Variants in LANCL2 observed in about 807,000 individuals in gnomAD.
LANCL2 encodes lanC-like protein 2.
A neutral mutation model predicts 56.9 loss-of-function variants in LANCL2; 33 were observed. That is an observed-to-expected ratio of 0.58 (90% confidence interval 0.44 to 0.78). The LOEUF (loss-of-function observed/expected upper bound fraction) is 0.78, where lower values mean the gene tolerates loss of function less well. LANCL2 is among the 30% of genes least tolerant of loss of function. LANCL2 has a pLI of 0.00. For missense variants in LANCL2, 562 were observed against 580.2 expected (o/e 0.97, Z 0.32); for synonymous variants, 233 against 228.2 (o/e 1.02, Z -0.19).
At chr7:55,402,677 G>T (rs1389105325) in intron 5 of LANCL2, among the ~76,000 whole-genome samples, 1 of 125,342 alleles carries the variant, frequency 8.0e-6, no homozygotes, top group African/African-American at 3.1e-5. Context: ...CTTCCGGACG[G>T]GGCGGCTGGC....
rs200460807 is a variant in LANCL2 at position 55,392,031 on chromosome 7, G to A, written c.322+121G>A. On this transcript the variant is annotated intron_variant, in intron 2 of 8. Transcript: ENST00000254770. Reference sequence around the variant, plus strand: ...GATTTGGCCAGGCACGGTGGCTGACGCCTGTAATCCCAGCACATTTGGAGG... The same window carrying A: ...GATTTGGCCAGGCACGGTGGCTGACACCTGTAATCCCAGCACATTTGGAGG... 4.6e-4 allele frequency: 261 copies of A among 567,664 alleles called. 5 individuals are homozygous for A. In the South Asian group the frequency reaches 4.9e-3, roughly 11 times the overall value. The allele number at this position is 567,664 out of a possible 1,614,324, so 35.2% of individuals were successfully genotyped here.
intron 5 of LANCL2, among the ~76,000 whole-genome samples, chr7:55,403,397 A>C (rs1790365256): frequency 6.6e-6 from 1 of 151,892 alleles, no homozygotes. Context: ...GCAGCAGTAC[A>C]GTCCAGCTTT....
chr7:55,378,332 T>G (rs987398207), intron 1 of LANCL2, among the ~76,000 whole-genome samples: 4 of 151,990 alleles, frequency 2.6e-5, no homozygotes, highest in Non-Finnish European at 5.9e-5. Flanking sequence ...TGGTGGCGCA[T>G]GCCTATAATC....
chr7:55,404,085 G>T (rs11523713), intron 5 of LANCL2, among the ~76,000 whole-genome samples: 53,245 of 151,974 alleles, frequency 0.35, 9,817 homozygotes, highest in African/African-American at 0.43. Context: ...CCCTGACAAC[G>T]ATAGAGTACT....
Position 55,401,284 on chromosome 7 carries a change from C to G in LANCL2, c.789C>G (p.Ala263=). ...ACCGGAAGCAGTACGTTGGAGCAGCCCATGGCATGGCTGGAATTTACTATA... is the reference window on the plus strand; with the variant it reads ...ACCGGAAGCAGTACGTTGGAGCAGCGCATGGCATGGCTGGAATTTACTATA... ...QWHRKQYVGA[A]HGMAGIYYML... is the part of the protein sequence containing the mutation. The change falls in exon 5 of 9, where the codon GCC becomes GCG. Residue 263 remains alanine (A), a synonymous_variant. Transcript: ENST00000254770. 3 of 1,614,044 alleles carry G rather than the reference C, an allele frequency of 1.9e-6. No individual in the cohort carries two copies. The highest frequency in any genetic ancestry group is 2.5e-6 in the Non-Finnish European group (3 of 1,179,970).
chr7:55,402,456 C>A (rs1160197055), intron 5 of LANCL2, among the ~76,000 whole-genome samples: 4 of 132,158 alleles, frequency 3.0e-5, no homozygotes, highest in African/African-American at 1.1e-4. Flanking sequence ...CCGGACGGGG[C>A]GGCTGGCCGG....
intron 6 of LANCL2, among the ~76,000 whole-genome samples, chr7:55,416,689 T>C (rs972894122): frequency 2.4e-4 from 36 of 152,190 alleles, no homozygotes; most frequent in Admixed American, 1.8e-3. Context: ...CTCTGTCAGA[T>C]ATATATCGTA....
intron 1 of LANCL2, among the ~76,000 whole-genome samples, chr7:55,378,485 C>T (rs543865078): frequency 2.7e-5 from 4 of 150,854 alleles, no homozygotes; most frequent in East Asian, 1.9e-4. Context: ...AGTGTGTGTG[C>T]GTATATATAT....
chr7:55,373,697 T>A (rs56208982), intron 1 of LANCL2, among the ~76,000 whole-genome samples: 23,261 of 152,158 alleles, frequency 0.15, 1,941 homozygotes, highest in Middle Eastern at 0.24. Context: ...ATTAAAAAAA[T>A]TTTTTTATGA....
At chr7:55,369,146 G>A (rs1032395430) in intron 1 of LANCL2, among the ~76,000 whole-genome samples, 2 of 152,184 alleles carry the variant, frequency 1.3e-5, no homozygotes, top group Admixed American at 6.5e-5. Context: ...CTGTTGATAC[G>A]TTGATTTTGG....
intron 1 of LANCL2, among the ~76,000 whole-genome samples, chr7:55,380,477 A>T (rs12216647): frequency 0.35 from 53,272 of 151,692 alleles, 9,841 homozygotes; most frequent in African/African-American, 0.42. Flanking sequence ...ATGGGCTAAG[A>T]CCCTGGTGGA....
intron 3 of LANCL2, among the ~76,000 whole-genome samples, chr7:55,398,971 A>G (rs1216551295): frequency 2.0e-5 from 3 of 152,226 alleles, no homozygotes; most frequent in African/African-American, 7.2e-5. Flanking sequence ...CTGATTAGAT[A>G]TGCTAATGAT....
Position 55,365,947 on chromosome 7 carries a change from CGGA to C in LANCL2, c.-73_-71del, listed in dbSNP as rs1789855918. On this transcript the variant is annotated 5_prime_UTR_variant, in exon 1 of 9. Transcript: ENST00000254770. ...AGAGGACGCTCTCTGCGCGGGCCCT[CGGA>C]GGAGGCGGCGGCGGGGCGAGCTGCA... The C allele has an allele frequency of 1.7e-6, 2 of 1,191,052 alleles. No individual in the cohort carries two copies. Among genetic ancestry groups the C allele is most frequent in the Non-Finnish European group, 2.2e-6 (2 of 893,168 alleles). 73.8% of individuals were successfully genotyped at this position (1,191,052 alleles called of 1,614,324 possible). A position where few individuals can be genotyped will look rare whatever the true frequency, so the allele number is the denominator to read the frequency against.
chr7:55,412,119 C>G (rs756819939), intron 6 of LANCL2, 30 bp downstream of exon 6: 2 of 1,580,952 alleles, frequency 1.3e-6, no homozygotes, highest in Non-Finnish European at 8.6e-7. Context: ...CGGCCGTCCC[C>G]TGTGTGGGGA....
intron 5 of LANCL2, among the ~76,000 whole-genome samples, chr7:55,402,139 C>CT (rs1790337924): frequency 6.7e-6 from 1 of 149,048 alleles, no homozygotes. Flanking sequence ...CGCCCCTCAC[C>CT]TCCCGGACGG....
intron 6 of LANCL2, among the ~76,000 whole-genome samples, chr7:55,421,259 T>C (rs1790604822): frequency 6.8e-6 from 1 of 146,096 alleles, no homozygotes; most frequent in African/African-American, 2.5e-5. Context: ...CCTCTACTTT[T>C]TCTTTCCTGC....
chr7:55,366,614 T>G (rs1789875871), intron 1 of LANCL2, among the ~76,000 whole-genome samples: 1 of 152,076 alleles, frequency 6.6e-6, no homozygotes, highest in South Asian at 2.1e-4. Flanking sequence ...GGAGGCTGGA[T>G]TTCCTTGGCC....
Position 55,411,934 on chromosome 7 carries a change from T to A in LANCL2, c.853T>A (p.Leu285Met), listed in dbSNP as rs1790474953. The A allele has an allele frequency of 6.2e-7, 1 of 1,612,992 alleles. No individual in the cohort carries two copies. Among genetic ancestry groups the A allele is most frequent in the South Asian group, 1.1e-5 (1 of 90,810 alleles). The change falls in exon 6 of 9, where the codon TTG (leucine) becomes ATG (methionine). Residue 285 changes from leucine (L) to methionine (M), a missense_variant. Leu to Met is a conservative substitution (Grantham distance 15, BLOSUM62 2). Transcript: ENST00000254770. ...QPAAKVDQET[L>M]TEMVKPSIDY... Reference sequence around the variant, plus strand: ...GGCAGCAAAAGTGGACCAAGAAACCTTGACAGAAATGGTGAAACCCAGTAT... The same window carrying A: ...GGCAGCAAAAGTGGACCAAGAAACCATGACAGAAATGGTGAAACCCAGTAT...
intron 1 of LANCL2, among the ~76,000 whole-genome samples, chr7:55,369,295 C>T (rs770492917): frequency 6.6e-6 from 1 of 152,034 alleles, no homozygotes; most frequent in Non-Finnish European, 1.5e-5. Context: ...ATGATGTTAC[C>T]GAGTAATGAT....
Sources: gnomAD v4.1 joint callset for allele counts (sites outside exome capture counted in the v4.1 genomes callset) on GRCh38, gnomAD v4.1.1 for gene constraint, MANE v1.5 for transcripts, NCBI Gene and HGNC (gene_info 2026-07-23, HGNC 2026-07-21) for gene names.